The following FAM78B variants were observed in gnomAD, a reference collection of about 807,000 sequenced individuals.
FAM78B encodes family with sequence similarity 78 member B, also known as protein FAM78B.
A neutral mutation model predicts 20.0 loss-of-function variants in FAM78B; 10 were observed. The ratio of observed to expected loss-of-function variants is 0.50; its 90% CI spans 0.31 to 0.85. The LOEUF (loss-of-function observed/expected upper bound fraction) is 0.85, where lower values mean the gene tolerates loss of function less well. Among genes scored for constraint, FAM78B ranks in the 40% least tolerant of loss-of-function variants. The pLI, the probability that FAM78B is intolerant of heterozygous loss-of-function variation, is 0.05. For missense variants in FAM78B, 283 were observed against 345.0 expected, an observed-to-expected ratio of 0.82 and a Z score of 1.42; for synonymous variants, 135 against 132.8, an observed-to-expected ratio of 1.02 and a Z score of -0.12.
Position 166,166,064 on chromosome 1 carries a change from C to G in FAM78B, c.185G>C (p.Arg62Pro). The change falls in exon 1 of 2, where the codon CGC becomes CCC. Residue 62 changes from arginine to proline, a missense_variant. Physicochemically the swap from Arg to Pro is moderately radical, Grantham distance 103. Coordinates refer to ENST00000354422, the MANE Select transcript of FAM78B (RefSeq NM_001017961.5). ...CCAGCCCACCACCCAGGTCTCGTGG[C>G]GGGGGATGGGGGGCATGACCACGCG... The part of the protein sequence containing the change: ...SARVVMPPIP[R>P]HETWVVGWIQ... 6.2e-7 allele frequency: 1 copy of G among 1,613,766 alleles called. No individual in the cohort carries two copies. The highest frequency in any genetic ancestry group is 1.7e-4 in the Middle Eastern group (1 of 6,060).
intron 1 of FAM78B, among the ~76,000 whole-genome samples, chr1:166,089,662 C>A (rs1407491290): frequency 6.6e-6 from 1 of 151,860 alleles, no homozygotes; most frequent in Non-Finnish European, 1.5e-5. Context: ...ACAGTTAGGG[C>A]ATCCAGAGTG....
At chr1:166,093,894 C>T (rs1653170618) in intron 1 of FAM78B, among the ~76,000 whole-genome samples, 1 of 151,590 alleles carries the variant, frequency 6.6e-6, no homozygotes. Flanking sequence ...AATAGGGCTG[C>T]TGCAGAGGGA....
chr1:166,071,541 C>T (rs1472581338), intron 1 of FAM78B, among the ~76,000 whole-genome samples: 1 of 152,194 alleles, frequency 6.6e-6, no homozygotes, highest in Non-Finnish European at 1.5e-5. Flanking sequence ...GGAGGAGGAA[C>T]CAATGTCTCT....
chr1:166,161,941 T>A (rs994430550), intron 1 of FAM78B, among the ~76,000 whole-genome samples: 1 of 152,114 alleles, frequency 6.6e-6, no homozygotes, highest in Non-Finnish European at 1.5e-5. Context: ...ATAGAGGTTA[T>A]CTCTCACCAT....
At chr1:166,086,718 G>T (rs1452631540) in intron 1 of FAM78B, among the ~76,000 whole-genome samples, 1 of 152,176 alleles carries the variant, frequency 6.6e-6, no homozygotes, top group Non-Finnish European at 1.5e-5. Context: ...AAAGATGCTG[G>T]CAGCTGAGTG....
At chr1:166,165,357 C>T (rs1052226343) in intron 1 of FAM78B, among the ~76,000 whole-genome samples, 1 of 152,222 alleles carries the variant, frequency 6.6e-6, no homozygotes, top group African/African-American at 2.4e-5. Flanking sequence ...TCCAGCTCCC[C>T]ACCAGAACTG....
chr1:166,056,285 T>G (rs1553212181), downstream of FAM78B, among the ~76,000 whole-genome samples: 2 of 144,600 alleles, frequency 1.4e-5, no homozygotes, highest in Non-Finnish European at 1.5e-5. Context: ...TGTGCGTGTG[T>G]AGAGAGAGAG....
At chr1:166,123,713 C>T (rs1654543300) in intron 1 of FAM78B, among the ~76,000 whole-genome samples, 1 of 152,120 alleles carries the variant, frequency 6.6e-6, no homozygotes, top group South Asian at 2.1e-4. Context: ...TGGGCAGTTC[C>T]TGGGATCTCA....
chr1:166,149,109 G>A (rs1655584766), intron 1 of FAM78B, among the ~76,000 whole-genome samples: 1 of 152,090 alleles, frequency 6.6e-6, no homozygotes, highest in Non-Finnish European at 1.5e-5. Flanking sequence ...AAACATACGT[G>A]TGCATGTGTC....
At chr1:166,153,341 G>C (rs566087600) in intron 1 of FAM78B, among the ~76,000 whole-genome samples, 1 of 152,336 alleles carries the variant, frequency 6.6e-6, no homozygotes, top group Non-Finnish European at 1.5e-5. Flanking sequence ...CCTGCAGCTT[G>C]AAAGAGTGAC....
At chr1:166,073,481 T>C (rs1006020995) in intron 1 of FAM78B, among the ~76,000 whole-genome samples, 16 of 151,142 alleles carry the variant, frequency 1.1e-4, no homozygotes, top group Admixed American at 6.6e-4. Context: ...CCCAAGGCAG[T>C]GACCTTCCCT....
At chr1:166,061,463 T>C (rs921788256) in intron 2 of FAM78B, among the ~76,000 whole-genome samples, 1 of 152,198 alleles carries the variant, frequency 6.6e-6, no homozygotes, top group Non-Finnish European at 1.5e-5. Context: ...CCTTTTCAGA[T>C]TGTATGCATG....
chr1:166,109,806 GTATATATGTA>G (rs1653925641), intron 1 of FAM78B, among the ~76,000 whole-genome samples: 5 of 34,428 alleles, frequency 1.5e-4, no homozygotes, highest in Admixed American at 2.3e-4. Flanking sequence ...TGATATATAT[GTATATATGTA>G]TATATATATA....
intron 1 of FAM78B, among the ~76,000 whole-genome samples, chr1:166,160,582 G>A (rs1659735061): frequency 6.6e-6 from 1 of 152,234 alleles, no homozygotes; most frequent in Non-Finnish European, 1.5e-5. Flanking sequence ...ATATATTAGT[G>A]CTAAGTAACT....
chr1:166,154,359 C>A (rs567520060), intron 1 of FAM78B, among the ~76,000 whole-genome samples: 3 of 152,328 alleles, frequency 2.0e-5, no homozygotes, highest in African/African-American at 7.2e-5. Flanking sequence ...TCCATACTTT[C>A]CCCTTCCCTT....
At chr1:166,113,334 G>C (rs1571174453) in intron 1 of FAM78B, among the ~76,000 whole-genome samples, 1 of 152,204 alleles carries the variant, frequency 6.6e-6, no homozygotes, top group East Asian at 1.9e-4. Context: ...TTCCTTGCAG[G>C]TGCATGTTCA....
At chr1:166,149,381 C>A (rs1203856340) in intron 1 of FAM78B, among the ~76,000 whole-genome samples, 1 of 152,188 alleles carries the variant, frequency 6.6e-6, no homozygotes, top group East Asian at 1.9e-4. Context: ...TTCCTTTTTA[C>A]CTCTTTTTAC....
intron 1 of FAM78B, among the ~76,000 whole-genome samples, chr1:166,119,794 G>A (rs1391497839): frequency 6.6e-6 from 1 of 152,230 alleles, no homozygotes; most frequent in Non-Finnish European, 1.5e-5. Flanking sequence ...GTGGCCACAC[G>A]AGACTCCCTG....
At chr1:166,125,140 T>A (rs1654594202) in intron 1 of FAM78B, among the ~76,000 whole-genome samples, 1 of 152,092 alleles carries the variant, frequency 6.6e-6, no homozygotes, top group South Asian at 2.1e-4. Context: ...GGTTCTGGAG[T>A]GGTTTTCATT....
Sources: allele counts gnomAD v4.1 joint callset (sites outside exome capture counted in the v4.1 genomes callset), GRCh38; gene constraint gnomAD v4.1.1; transcripts MANE v1.5; gene names NCBI Gene and HGNC (gene_info 2026-07-23, HGNC 2026-07-21).